The following TIAM2 variants were observed in gnomAD, a reference collection of about 807,000 sequenced individuals.
The protein encoded by TIAM2 is TIAM Rac1 associated GEF 2, also known as rho guanine nucleotide exchange factor TIAM2.
In TIAM2, 80 loss-of-function variants were observed where a neutral mutation model predicts 152.9. That is an observed-to-expected ratio of 0.52 (90% CI 0.44 to 0.63). TIAM2 has a LOEUF of 0.63. TIAM2 is among the 30% of genes least tolerant of loss of function. The pLI is 0.00. For missense variants in TIAM2, 1,965 were observed against 2,120.1 expected, an observed-to-expected ratio of 0.93 and a Z score of 1.44; for synonymous variants, 804 against 838.0, an observed-to-expected ratio of 0.96 and a Z score of 0.70.
chr6:155,056,331 C>T (rs1777452028), intron 1 of TIAM2, among the ~76,000 whole-genome samples: 2 of 151,888 alleles, frequency 1.3e-5, no homozygotes, highest in Admixed American at 1.3e-4. Context: ...ACCACCATGC[C>T]CGGCTAATTT....
chr6:155,118,348 G>C (rs760833053), intron 2 of TIAM2, among the ~76,000 whole-genome samples: 3 of 151,986 alleles, frequency 2.0e-5, no homozygotes, highest in Non-Finnish European at 2.9e-5. Context: ...ATGGAGCACC[G>C]TGTCTTTGAA....
rs1562369821 is a variant in TIAM2 at position 155,243,988 on chromosome 6, CACTT to C, written c.3349-22_3349-19del. The C allele has an allele frequency of 5.6e-6, 9 of 1,607,928 alleles. No individual in the cohort carries two copies. The highest frequency in any genetic ancestry group is 3.3e-5 in the Admixed American group (2 of 59,784). On this transcript the variant is annotated intron_variant, in intron 16 of 26. Coordinates refer to ENST00000682666, the MANE Select transcript of TIAM2 (RefSeq NM_012454.4). ...ATTTTGGAGACTAAAGCGTTGAAGA[CACTT>C]TCTTCTATTTTCTTTCAGGATTTGA...
rs1317493216 is a variant in TIAM2 at position 154,995,949 on chromosome 6, A to C, written c.-209+457A>C. ...CGCCCGGCGACCTCGGAGCCTCAGA[A>C]AGGCGCTGCGGCGAAGCAGGATCCC... On this transcript the variant is annotated intron_variant, in intron 1 of 26. Coordinates refer to ENST00000682666, the MANE Select transcript of TIAM2 (RefSeq NM_012454.4). The surrounding 1 kb of genome is among the most constrained non-coding windows in gnomAD (Gnocchi z 5.2). Among the ~76,000 whole-genome samples, 1 of 152,130 alleles carries C rather than the reference A, an allele frequency of 6.6e-6. No individual in the cohort carries two copies. The highest frequency in any genetic ancestry group is 1.5e-5 in the Non-Finnish European group (1 of 68,008).
chr6:155,073,108 A>G (rs1000080656), intron 1 of TIAM2, among the ~76,000 whole-genome samples: 1 of 149,390 alleles, frequency 6.7e-6, no homozygotes, highest in South Asian at 2.1e-4. Context: ...ATAAAGAATT[A>G]TCCATTATTT....
At chr6:155,223,689 T>C (rs922145451) in intron 15 of TIAM2, among the ~76,000 whole-genome samples, 1 of 152,152 alleles carries the variant, frequency 6.6e-6, no homozygotes, top group Non-Finnish European at 1.5e-5. Flanking sequence ...ATTTTAACAT[T>C]TTGATCCCAA....
chr6:155,217,606 T>G (rs936798504), intron 15 of TIAM2, among the ~76,000 whole-genome samples: 2 of 152,196 alleles, frequency 1.3e-5, no homozygotes, highest in African/African-American at 4.8e-5. Flanking sequence ...AGTTTTTAAT[T>G]TAGTTATTCT....
chr6:155,194,984 G>C (rs1781303604), intron 14 of TIAM2, among the ~76,000 whole-genome samples: 1 of 152,174 alleles, frequency 6.6e-6, no homozygotes, highest in South Asian at 2.1e-4. Context: ...AGACATGTTT[G>C]CGTCCCCTTC....
chr6:155,019,556 T>C (rs1334817003), intron 1 of TIAM2, among the ~76,000 whole-genome samples: 1 of 152,196 alleles, frequency 6.6e-6, no homozygotes, highest in Non-Finnish European at 1.5e-5. Context: ...TGGGCTGCTT[T>C]GGAAATTCCA....
At chr6:155,192,843 C>T (rs1447599087) in intron 14 of TIAM2, among the ~76,000 whole-genome samples, 1 of 152,196 alleles carries the variant, frequency 6.6e-6, no homozygotes, top group East Asian at 1.9e-4. Flanking sequence ...TATTTTGATA[C>T]TCCTTTCAGA....
At chr6:155,072,798 A>G (rs4869842) in intron 1 of TIAM2, among the ~76,000 whole-genome samples, 77,202 of 151,850 alleles carry the variant, frequency 0.51, 19,847 homozygotes, top group African/African-American at 0.55. Flanking sequence ...GGAGGTGGGC[A>G]CAGAGGGAGG....
intron 1 of TIAM2, chr6:155,022,434 G>C (rs970406110): frequency 2.0e-5 from 3 of 152,380 alleles, no homozygotes; most frequent in African/African-American, 7.2e-5. Context: ...TGAGTAGCTG[G>C]AACTACAGGT....
At chr6:155,230,999 A>ATTT (rs144375888) in intron 15 of TIAM2, among the ~76,000 whole-genome samples, 1 of 146,910 alleles carries the variant, frequency 6.8e-6, no homozygotes, top group African/African-American at 2.5e-5. Context: ...AGCCTGGCTA[A>ATTT]TTTTTTTTTT....
At chr6:155,079,176 G>A (rs571953400) in intron 1 of TIAM2, among the ~76,000 whole-genome samples, 1 of 151,798 alleles carries the variant, frequency 6.6e-6, no homozygotes, top group Non-Finnish European at 1.5e-5. Context: ...ATTCTCCCAC[G>A]TCAGCCTCCC....
chr6:155,168,981 T>C, intron 9 of TIAM2: 1 of 1,389,140 alleles, frequency 7.2e-7, no homozygotes, highest in Admixed American at 2.5e-5. Flanking sequence ...TAACTTTTTC[T>C]GTTTTTTTTT....
intron 1 of TIAM2, among the ~76,000 whole-genome samples, chr6:155,029,387 A>G (rs568611490): frequency 2.1e-5 from 2 of 96,948 alleles, no homozygotes; most frequent in Admixed American, 3.3e-4. Flanking sequence ...ATACTATGTT[A>G]TATATATACT....
At position 155,256,783 on chromosome 6, in the gene TIAM2, A is replaced by G. The variant is rs755535297; in HGVS notation, c.4768A>G (p.Ile1590Val). The G allele has an allele frequency of 6.2e-7, 1 of 1,614,208 alleles. No individual in the cohort carries two copies. ...KQGSPTKDIE[I>V]QFQRLRISED... ...GGGCAGCCCTACTAAAGACATCGAAATTCAGTTCCAGAGACTGAGGATTTC... is the reference window on the plus strand; with the variant it reads ...GGGCAGCCCTACTAAAGACATCGAAGTTCAGTTCCAGAGACTGAGGATTTC... Residue 1590 changes from isoleucine (I) to valine (V), a missense_variant, in exon 27 of 27, where the codon ATT becomes GTT. Ile to Val is a conservative substitution (Grantham distance 29). Coordinates refer to ENST00000682666, the MANE Select transcript of TIAM2 (RefSeq NM_012454.4).
chr6:155,238,401 G>A (rs1310635292), intron 15 of TIAM2, among the ~76,000 whole-genome samples: 2 of 152,168 alleles, frequency 1.3e-5, no homozygotes, highest in African/African-American at 4.8e-5. Context: ...TCCAACCTCT[G>A]CCTGTTACCC....
chr6:155,180,358 A>C (rs553305272), intron 12 of TIAM2, among the ~76,000 whole-genome samples: 43 of 152,250 alleles, frequency 2.8e-4, no homozygotes, highest in African/African-American at 9.4e-4. Flanking sequence ...CATTTCCTAC[A>C]TTTCTCCTTG....
intron 2 of TIAM2, among the ~76,000 whole-genome samples, chr6:155,121,284 GATATC>G (rs1490505622): frequency 3.3e-5 from 5 of 152,102 alleles, no homozygotes; most frequent in African/African-American, 1.2e-4. Flanking sequence ...TATGAGATCT[GATATC>G]ATAACATACA....
Sources: allele counts gnomAD v4.1 joint callset (sites outside exome capture counted in the v4.1 genomes callset), GRCh38; gene constraint gnomAD v4.1.1; non-coding constraint Gnocchi (gnomAD v3.1); transcripts MANE v1.5; gene names NCBI Gene and HGNC (gene_info 2026-07-23, HGNC 2026-07-21).